Variants in TUSC3 observed in about 807,000 individuals in gnomAD.
TUSC3 encodes dolichyl-diphosphooligosaccharide--protein glycosyltransferase subunit TUSC3.
TUSC3 carries 45 observed loss-of-function variants against 44.8 expected under a neutral mutation model. That is an observed-to-expected ratio of 1.00 (90% CI 0.79 to 1.29). The LOEUF (loss-of-function observed/expected upper bound fraction) is 1.29. Among genes scored for constraint, TUSC3 ranks in the 50% most tolerant of loss-of-function variants. The pLI, the probability that TUSC3 is intolerant of heterozygous loss-of-function variation, is 0.00. For missense variants in TUSC3, 519 were observed against 437.9 expected, an observed-to-expected ratio of 1.19 and a Z score of -1.65; for synonymous variants, 212 against 152.9, an observed-to-expected ratio of 1.39 and a Z score of -2.85.
intron 1 of TUSC3, among the ~76,000 whole-genome samples, chr8:15,581,491 T>C (rs1803332089): frequency 6.8e-6 from 1 of 147,150 alleles, no homozygotes; most frequent in Admixed American, 6.7e-5. Flanking sequence ...TACAGATGGG[T>C]TTTTGGTGTG....
chr8:15,829,675 T>C, the TUSC3 span, among the ~76,000 whole-genome samples: 1 of 152,128 alleles, frequency 6.6e-6, no homozygotes, highest in Non-Finnish European at 1.5e-5. Context: ...TTAAAATATC[T>C]TTAATTCTGA....
chr8:15,738,067 A>G (rs929805615), intron 7 of TUSC3, among the ~76,000 whole-genome samples: 1 of 152,126 alleles, frequency 6.6e-6, no homozygotes, highest in African/African-American at 2.4e-5. Context: ...TATAATTCAT[A>G]TGTCTTAATT....
At chr8:15,417,699 G>T (rs1799676486) in intron 1 of TUSC3, among the ~76,000 whole-genome samples, 1 of 152,180 alleles carries the variant, frequency 6.6e-6, no homozygotes, top group Admixed American at 6.6e-5. Context: ...TCACTGGCAG[G>T]CTGTGCTTCA....
At chr8:15,504,678 G>A (rs1235549088) in intron 2 of TUSC3, among the ~76,000 whole-genome samples, 1 of 127,114 alleles carries the variant, frequency 7.9e-6, no homozygotes, top group Non-Finnish European at 1.6e-5. Flanking sequence ...TTTCGAGATG[G>A]AGTCTCGCTG....
At chr8:15,680,894 G>GT (rs1249565070) in intron 6 of TUSC3, among the ~76,000 whole-genome samples, 2 of 152,100 alleles carry the variant, frequency 1.3e-5, no homozygotes, top group African/African-American at 4.8e-5. Flanking sequence ...ATTGATTTGT[G>GT]TATGTTGAAC....
At chr8:15,750,794 G>A (rs1479122504) in intron 9 of TUSC3, among the ~76,000 whole-genome samples, 4 of 151,992 alleles carry the variant, frequency 2.6e-5, no homozygotes, top group African/African-American at 9.7e-5. Flanking sequence ...CTCCCCACCA[G>A]CCTAACAGGA....
intron 1 of TUSC3, among the ~76,000 whole-genome samples, chr8:15,455,458 CACACCT>C (rs2129121006): frequency 6.6e-6 from 1 of 151,908 alleles, no homozygotes; most frequent in East Asian, 1.9e-4. Flanking sequence ...CCTATGTATA[CACACCT>C]ATGTATACAT....
upstream of TUSC3, among the ~76,000 whole-genome samples, chr8:15,539,444 C>T (rs1801597810): frequency 6.7e-6 from 1 of 148,280 alleles, no homozygotes; most frequent in African/African-American, 2.5e-5. Flanking sequence ...CCTCTGCCTC[C>T]CGGGTTTATG....
At chr8:15,840,283 G>A in the TUSC3 span, among the ~76,000 whole-genome samples, 1 of 152,128 alleles carries the variant, frequency 6.6e-6, no homozygotes, top group East Asian at 1.9e-4. Flanking sequence ...TGTAAGTGAT[G>A]AGTTAATGGG....
At position 15,513,951 on chromosome 8, in the gene TUSC3, C is replaced by T. The variant is rs557889541; in HGVS notation, n.189+30468C>T. On this transcript the variant is annotated intron_variant and non_coding_transcript_variant, in intron 2 of 5. Transcript: ENST00000503191. ...TCTTCCTCTCCCTTCTTCCTCTTCC[C>T]ACCTTCATGCTCTCAGCTCCCTTCC... Among the ~76,000 whole-genome samples the T allele has an allele frequency of 3.9e-5, 6 of 152,220 alleles. No homozygotes were observed. In the East Asian group the frequency reaches 5.8e-4, roughly 15 times the overall value.
intron 1 of TUSC3, among the ~76,000 whole-genome samples, chr8:15,582,741 C>G (rs1431489666): frequency 2.0e-5 from 3 of 152,180 alleles, no homozygotes; most frequent in Non-Finnish European, 2.9e-5. Flanking sequence ...CCAGTTTTAT[C>G]TAATAGCTGC....
At chr8:15,683,495 T>A (rs1241271173) in intron 6 of TUSC3, among the ~76,000 whole-genome samples, 1 of 152,114 alleles carries the variant, frequency 6.6e-6, no homozygotes, top group African/African-American at 2.4e-5. Flanking sequence ...TCCAGAAGTT[T>A]AGTTTGTTTC....
At chr8:15,430,034 A>T (rs977508886) in intron 1 of TUSC3, among the ~76,000 whole-genome samples, 3 of 151,614 alleles carry the variant, frequency 2.0e-5, no homozygotes, top group Non-Finnish European at 4.4e-5. Flanking sequence ...TCACAGCCGA[A>T]TTCTACTGGA....
chr8:15,564,355 A>T (rs768529680), intron 1 of TUSC3, among the ~76,000 whole-genome samples: 1 of 152,202 alleles, frequency 6.6e-6, no homozygotes. Context: ...ATTCATATAC[A>T]AATCTTAACG....
At chr8:15,460,161 A>G (rs115404051) in intron 1 of TUSC3, among the ~76,000 whole-genome samples, 3,009 of 152,244 alleles carry the variant, frequency 0.02, 103 homozygotes, top group African/African-American at 0.068. Context: ...ACAGGAGTGT[A>G]GAAGTGTTCC....
rs1247426802 is a variant in TUSC3 at position 15,747,432 on chromosome 8, A to G, written c.938-943A>G. Among the ~76,000 whole-genome samples the G allele has an allele frequency of 2.0e-5, 3 of 150,296 alleles. No individual in the cohort carries two copies. In the East Asian group the frequency reaches 5.8e-4, roughly 29 times the overall value. On this transcript the variant is annotated intron_variant, in intron 8 of 10. Coordinates refer to ENST00000503731, the MANE Select transcript of TUSC3 (RefSeq NM_006765.4). ...AAGAGATTAACACTAATTTCTACTTATATATTTAAATAAATTTTATTTAAA... is the reference window on the plus strand; with the variant it reads ...AAGAGATTAACACTAATTTCTACTTGTATATTTAAATAAATTTTATTTAAA...
chr8:15,650,111 C>T (rs1404168001), intron 2 of TUSC3, among the ~76,000 whole-genome samples: 1 of 152,126 alleles, frequency 6.6e-6, no homozygotes, highest in African/African-American at 2.4e-5. Context: ...TTTGTGGCAT[C>T]TGGTTTAGCT....
At chr8:15,621,109 C>T (rs1018639311) in intron 1 of TUSC3, among the ~76,000 whole-genome samples, 1 of 151,954 alleles carries the variant, frequency 6.6e-6, no homozygotes, top group Admixed American at 6.6e-5. Context: ...GTGGATTACC[C>T]TGCTTGATTT....
At chr8:15,709,688 G>T (rs1267239019) in intron 6 of TUSC3, among the ~76,000 whole-genome samples, 1 of 151,762 alleles carries the variant, frequency 6.6e-6, no homozygotes, top group Non-Finnish European at 1.5e-5. Flanking sequence ...ATCTCCTTTA[G>T]TCCTTATAGT....
Sources: gnomAD v4.1 joint callset for allele counts (sites outside exome capture counted in the v4.1 genomes callset) on GRCh38, gnomAD v4.1.1 for gene constraint, MANE v1.5 for transcripts, NCBI Gene and HGNC (gene_info 2026-07-23, HGNC 2026-07-21) for gene names.